The following VWA8 variants were observed in gnomAD, a reference collection of about 807,000 sequenced individuals.
The protein encoded by VWA8 is von Willebrand factor A domain containing 8.
A neutral mutation model predicts 241.5 loss-of-function variants in VWA8; 221 were observed. That is an observed-to-expected ratio of 0.91 (90% CI 0.82 to 1.02). The LOEUF (loss-of-function observed/expected upper bound fraction) is 1.02, where lower values mean the gene tolerates loss of function less well. Among genes scored for constraint, VWA8 ranks in the 50% least tolerant of loss-of-function variants. The pLI, the probability that VWA8 is intolerant of heterozygous loss-of-function variation, is 0.00. For missense variants in VWA8, 2,322 were observed against 2,328.7 expected, an observed-to-expected ratio of 1.00 and a Z score of 0.06; for synonymous variants, 852 against 827.1, an observed-to-expected ratio of 1.03 and a Z score of -0.52.
Position 41,960,937 on chromosome 13 carries a change from G to A in VWA8, c.79C>T (p.Arg27Trp). 1 of 1,487,590 alleles carries A rather than the reference G, an allele frequency of 6.7e-7. No individual in the cohort carries two copies. The highest frequency in any genetic ancestry group is 8.9e-7 in the Non-Finnish European group (1 of 1,126,234). The allele number at this position is 1,487,590 out of a possible 1,614,324, so 92.1% of individuals were successfully genotyped here. A position where few individuals can be genotyped will look rare whatever the true frequency, so the allele number is the denominator to read the frequency against. Reference protein sequence around the residue: ...PASRRMRLLLRQVVQRRPGGD... With the variant: ...PASRRMRLLLWQVVQRRPGGD... ...CCCGGCCTGCGCTGCACCACCTGCCGCAGGAGCAGCCGCATGCGCCGCGAG... is the reference window on the plus strand; with the variant it reads ...CCCGGCCTGCGCTGCACCACCTGCCACAGGAGCAGCCGCATGCGCCGCGAG... The change falls in exon 1 of 45, where the codon CGG becomes TGG. Residue 27 changes from arginine to tryptophan, a missense_variant. Arg to Trp is a moderately radical substitution (Grantham distance 101). Transcript: ENST00000379310.
Position 41,895,335 on chromosome 13 carries a change from G to A in VWA8, c.484-3748C>T, listed in dbSNP as rs554488192. On this transcript the variant is annotated intron_variant, in intron 4 of 44. Coordinates refer to ENST00000379310, the MANE Select transcript of VWA8 (RefSeq NM_015058.2). ...GCCTGTCCTTAAATTGAAAGAAAAC[G>A]AGTAGAGTAAGAACTAAAAAAAGTC... 8.5e-5 allele frequency among the ~76,000 whole-genome samples: 13 copies of A among 152,176 alleles called. No homozygotes were observed. In the South Asian group the frequency reaches 1.2e-3, roughly 15 times the overall value.
chr13:41,849,714 C>T (rs943871118), intron 12 of VWA8, among the ~76,000 whole-genome samples: 2 of 152,036 alleles, frequency 1.3e-5, no homozygotes, highest in African/African-American at 2.4e-5. Context: ...TGGTGAAACC[C>T]TGTCTCTACT....
intron 18 of VWA8, among the ~76,000 whole-genome samples, chr13:41,784,745 TATATATATATATATATAC>T (rs1566456429): frequency 3.4e-4 from 35 of 102,244 alleles, no homozygotes; most frequent in East Asian, 6.0e-4. Flanking sequence ...CACATATATA[TATATATATATATATATAC>T]ACACACACAC....
At chr13:41,568,959 T>C (rs1025576270) in intron 44 of VWA8, among the ~76,000 whole-genome samples, 1 of 151,098 alleles carries the variant, frequency 6.6e-6, no homozygotes, top group African/African-American at 2.5e-5. Flanking sequence ...AAAAATAACA[T>C]GTCATTGAAG....
chr13:41,744,484 T>C (rs1007679722), intron 21 of VWA8, among the ~76,000 whole-genome samples: 3 of 152,222 alleles, frequency 2.0e-5, no homozygotes, highest in Non-Finnish European at 2.9e-5. Flanking sequence ...ATCTACTTAC[T>C]ACTAATTTAA....
chr13:41,805,352 A>G, intron 17 of VWA8, among the ~76,000 whole-genome samples: 1 of 152,374 alleles, frequency 6.6e-6, no homozygotes, highest in East Asian at 1.9e-4. Context: ...AAAAGGGTCA[A>G]TTCAGCAAGA....
At chr13:41,660,908 G>A (rs564341047) in intron 37 of VWA8, among the ~76,000 whole-genome samples, 6 of 149,394 alleles carry the variant, frequency 4.0e-5, no homozygotes, top group South Asian at 2.1e-4. Flanking sequence ...ACGGAGTCTC[G>A]CTCTATTGCC....
At chr13:41,887,783 C>A (rs553081729) in intron 5 of VWA8, among the ~76,000 whole-genome samples, 3 of 152,316 alleles carry the variant, frequency 2.0e-5, no homozygotes, top group African/African-American at 4.8e-5. Context: ...TTATTCCTAG[C>A]AAAGCATATT....
At chr13:41,941,820 T>C (rs768235425) in intron 2 of VWA8, among the ~76,000 whole-genome samples, 11 of 152,198 alleles carry the variant, frequency 7.2e-5, no homozygotes, top group South Asian at 4.1e-4. Flanking sequence ...ATCACCCCTA[T>C]ACAGTCAAGG....
chr13:41,656,169 A>G (rs2044903674), intron 37 of VWA8, among the ~76,000 whole-genome samples: 1 of 152,238 alleles, frequency 6.6e-6, no homozygotes. Context: ...CTTTCTGAGT[A>G]ATGACTTATA....
intron 37 of VWA8, among the ~76,000 whole-genome samples, chr13:41,655,219 A>G (rs1249709947): frequency 6.6e-6 from 1 of 151,452 alleles, no homozygotes; most frequent in Non-Finnish European, 1.5e-5. Flanking sequence ...CCTCTCTAGT[A>G]GCTGGGATTA....
At chr13:41,855,447 AGAAATACT>A (rs2138035579) in intron 12 of VWA8, among the ~76,000 whole-genome samples, 1 of 149,630 alleles carries the variant, frequency 6.7e-6, no homozygotes, top group South Asian at 2.1e-4. Context: ...TAGAAGAAAG[AGAAATACT>A]GATATAAACA....
At position 41,871,551 on chromosome 13, in the gene VWA8, C is replaced by T. The variant is rs1224207973; in HGVS notation, c.1081-3074G>A. ...ATTCCCACCTATGAGTGAGAATATG[C>T]GGTGTTTGGTTTTTTGTTCTTGCAA... On this transcript the variant is annotated intron_variant, in intron 9 of 44. Coordinates refer to ENST00000379310, the MANE Select transcript of VWA8 (RefSeq NM_015058.2). 3.9e-5 allele frequency among the ~76,000 whole-genome samples: 6 copies of T among 152,104 alleles called. No homozygotes were observed. The South Asian group carries it at 1.0e-3, about 26-fold the overall frequency.
chr13:41,877,555 A>T (rs2138066252), intron 9 of VWA8, among the ~76,000 whole-genome samples: 1 of 152,252 alleles, frequency 6.6e-6, no homozygotes, highest in Middle Eastern at 3.4e-3. Flanking sequence ...CAAAAAATGA[A>T]TGCTCAATTA....
intron 40 of VWA8, among the ~76,000 whole-genome samples, chr13:41,591,736 C>A (rs910346701): frequency 1.4e-5 from 2 of 147,836 alleles, no homozygotes; most frequent in Non-Finnish European, 3.0e-5. Context: ...CACTGGCCAT[C>A]AGAGAAATGC....
intron 1 of VWA8, among the ~76,000 whole-genome samples, chr13:41,952,371 T>C (rs1878174698): frequency 6.6e-6 from 1 of 152,246 alleles, no homozygotes; most frequent in Non-Finnish European, 1.5e-5. Context: ...TTTTCCTTAA[T>C]GCAGGAAAGA....
chr13:41,582,296 G>A (rs1262419873), intron 42 of VWA8, among the ~76,000 whole-genome samples: 1 of 152,158 alleles, frequency 6.6e-6, no homozygotes. Context: ...CTCCAAATGA[G>A]CCTCCGGGAC....
intron 42 of VWA8, among the ~76,000 whole-genome samples, chr13:41,577,744 T>A (rs1190783025): frequency 6.6e-6 from 1 of 152,234 alleles, no homozygotes; most frequent in African/African-American, 2.4e-5. Context: ...ATCAGTTCCC[T>A]GACACGGAAC....
At chr13:41,879,437 G>C (rs571513160) in intron 9 of VWA8, among the ~76,000 whole-genome samples, 2 of 147,206 alleles carry the variant, frequency 1.4e-5, no homozygotes, top group African/African-American at 5.0e-5. Context: ...TTTCATCATT[G>C]GTTATTTCAC....
Sources: gnomAD v4.1 joint callset for allele counts (sites outside exome capture counted in the v4.1 genomes callset) on GRCh38, gnomAD v4.1.1 for gene constraint, MANE v1.5 for transcripts, NCBI Gene and HGNC (gene_info 2026-07-23, HGNC 2026-07-21) for gene names.